ATRX: variants seen among roughly 807,000 people sequenced by gnomAD.
ATRX encodes the protein ATRX chromatin remodeler.
In ATRX, 12 loss-of-function variants were observed where a neutral mutation model predicts 172.6. The observed-to-expected ratio is 0.07, with a 90% CI of 0.04 to 0.11. The LOEUF is 0.11. Ranked by LOEUF, ATRX falls within the 10% of genes least tolerant of loss-of-function variation. ATRX has a pLI of 1.00. For missense variants in ATRX, 1,368 were observed against 1,767.4 expected (o/e 0.77, Z 4.05); for synonymous variants, 674 against 594.7 (o/e 1.13, Z -1.94).
At chrX:77,612,978 G>A (rs1460875609) in intron 22 of ATRX, among the ~76,000 whole-genome samples, 1 of 111,514 alleles carries the variant, frequency 9.0e-6, no homozygotes, top group African/African-American at 3.3e-5. Context: ...ACCACATTTT[G>A]TTTATGCATT....
chrX:77,624,935 A>T (rs1557102027), intron 19 of ATRX, among the ~76,000 whole-genome samples: 1 of 111,852 alleles, frequency 8.9e-6, no homozygotes, highest in African/African-American at 3.3e-5. Context: ...GCATAGCCAA[A>T]GCAAGACTAA....
chrX:77,590,844 G>A (rs781986460), intron 26 of ATRX, among the ~76,000 whole-genome samples: 1 of 111,482 alleles, frequency 9.0e-6, no homozygotes, highest in South Asian at 3.7e-4. Flanking sequence ...ACATGGGTTA[G>A]GTAAAAAATT....
intron 28 of ATRX, among the ~76,000 whole-genome samples, chrX:77,572,820 T>C (rs1357722837): frequency 8.9e-6 from 1 of 112,118 alleles, no homozygotes; most frequent in Non-Finnish European, 1.9e-5. Flanking sequence ...ATCATCCCTT[T>C]GTAAGCTCTC....
At chrX:77,717,732 C>T (rs782765660) in intron 1 of ATRX, among the ~76,000 whole-genome samples, 6 of 110,940 alleles carry the variant, frequency 5.4e-5, no homozygotes, top group African/African-American at 1.6e-4. Context: ...CTAAACATTT[C>T]GAAAATACTG....
Position 77,512,746 on chromosome X carries a change from A to G in ATRX, c.7201-4117T>C, listed in dbSNP as rs184345521. On this transcript the variant is annotated intron_variant, in intron 34 of 34. Coordinates refer to ENST00000373344, the MANE Select transcript of ATRX (RefSeq NM_000489.6). ...TAGCTGCGCATGGTGGCGGGTGCTTATAATTCCAGCTACTCAGGAGGCTGA... is the reference window on the plus strand; with the variant it reads ...TAGCTGCGCATGGTGGCGGGTGCTTGTAATTCCAGCTACTCAGGAGGCTGA... 4.4e-3 allele frequency among the ~76,000 whole-genome samples: 486 copies of G among 110,587 alleles called. 2 individuals are homozygous for G. The highest frequency in any genetic ancestry group is 0.015 in the African/African-American group (458 of 30,423).
chrX:77,687,759 T>C (rs1432605814), intron 7 of ATRX, among the ~76,000 whole-genome samples: 1 of 112,179 alleles, frequency 8.9e-6, no homozygotes, highest in Non-Finnish European at 1.9e-5. Context: ...GTACAGTTCA[T>C]TTAAGCATGT....
intron 1 of ATRX, among the ~76,000 whole-genome samples, chrX:77,750,502 G>A (rs1175941317): frequency 2.7e-5 from 3 of 110,854 alleles, no homozygotes; most frequent in African/African-American, 9.8e-5. Context: ...TTATTAACGC[G>A]CATAGTAACT....
chrX:77,741,413 T>C (rs1267075790), intron 1 of ATRX, among the ~76,000 whole-genome samples: 1 of 108,636 alleles, frequency 9.2e-6, no homozygotes, highest in Non-Finnish European at 1.9e-5. Flanking sequence ...GTCTTTCTTT[T>C]TATTCTCTTG....
intron 5 of ATRX, among the ~76,000 whole-genome samples, chrX:77,695,399 AC>A (rs1241548817): frequency 9.0e-6 from 1 of 111,498 alleles, no homozygotes; most frequent in Non-Finnish European, 1.9e-5. Flanking sequence ...TTTTGGTCTG[AC>A]AGAATTAGGC....
intron 1 of ATRX, among the ~76,000 whole-genome samples, chrX:77,753,805 G>A (rs1313602885): frequency 8.9e-6 from 1 of 111,790 alleles, no homozygotes; most frequent in African/African-American, 3.2e-5. Context: ...TGAGAAGAAC[G>A]TATATTCTGT....
At chrX:77,737,161 A>C in intron 1 of ATRX, among the ~76,000 whole-genome samples, 1 of 110,670 alleles carries the variant, frequency 9.0e-6, no homozygotes, top group Non-Finnish European at 1.9e-5. Context: ...GCAGTGGCTC[A>C]CACCTGTACT....
At chrX:77,538,265 A>C (rs994997888) in intron 30 of ATRX, among the ~76,000 whole-genome samples, 13 of 109,177 alleles carry the variant, frequency 1.2e-4, no homozygotes, top group Non-Finnish European at 1.5e-4. Flanking sequence ...ACACACACAC[A>C]CCATGGAATA....
Position 77,670,612 on chromosome X carries a change from G to A in ATRX, c.3809+5614C>T, listed in dbSNP as rs369649683. Among the ~76,000 whole-genome samples, 43 of 108,448 alleles carry A rather than the reference G, an allele frequency of 4.0e-4. 1 individual carries two copies. Among genetic ancestry groups the A allele is most frequent in the African/African-American group, 1.3e-3 (39 of 29,721 alleles). 94.2% of individuals were successfully genotyped at this position (108,448 alleles called of 115,157 possible). ...TCTACTAAAAATACAAAAATTAGCC[G>A]GGCATGGTGGCAGGCACCTGTAGTC... On this transcript the variant is annotated intron_variant, in intron 10 of 34. Coordinates refer to ENST00000373344, the MANE Select transcript of ATRX (RefSeq NM_000489.6).
intron 1 of ATRX, among the ~76,000 whole-genome samples, chrX:77,717,618 A>G (rs1227599179): frequency 9.1e-6 from 1 of 109,636 alleles, no homozygotes; most frequent in Non-Finnish European, 1.9e-5. Context: ...AAAAAAAAAA[A>G]AGAATTCTAT....
chrX:77,601,468 A>G (rs999051383), intron 22 of ATRX, among the ~76,000 whole-genome samples: 1 of 106,976 alleles, frequency 9.3e-6, no homozygotes, highest in Non-Finnish European at 1.9e-5. Context: ...AAAGAGCAAA[A>G]CCTTGTCTCT....
chrX:77,773,730 C>T (rs1254161701), intron 1 of ATRX, among the ~76,000 whole-genome samples: 1 of 107,978 alleles, frequency 9.3e-6, no homozygotes, highest in East Asian at 2.9e-4. Flanking sequence ...CCAGCCTGGG[C>T]GACAGAGCAA....
At chrX:77,650,951 C>T (rs2069189476) in intron 15 of ATRX, among the ~76,000 whole-genome samples, 1 of 111,503 alleles carries the variant, frequency 9.0e-6, no homozygotes, top group African/African-American at 3.3e-5. Flanking sequence ...AATAATGGCA[C>T]TGCAGTAATG....
At chrX:77,698,181 G>C (rs1279594505) in intron 3 of ATRX, among the ~76,000 whole-genome samples, 1 of 111,083 alleles carries the variant, frequency 9.0e-6, no homozygotes, top group Non-Finnish European at 1.9e-5. Context: ...AACCACAGTT[G>C]TGGACCTGTG....
At chrX:77,684,667 T>C in intron 8 of ATRX, 74 bp from the exon 9 acceptor site, 1 of 1,056,860 alleles carries the variant, frequency 9.5e-7, no homozygotes, top group Non-Finnish European at 1.3e-6. Context: ...AAAATAAAAA[T>C]AAACATTATT....
Sources: allele counts gnomAD v4.1 joint callset (sites outside exome capture counted in the v4.1 genomes callset), GRCh38; gene constraint gnomAD v4.1.1; transcripts MANE v1.5; gene names NCBI Gene and HGNC (gene_info 2026-07-23, HGNC 2026-07-21).